PDILT: variants seen among roughly 807,000 people sequenced by gnomAD.
PDILT encodes the protein protein disulfide-isomerase-like protein of the testis.
PDILT carries 43 observed loss-of-function variants against 53.7 expected under a neutral mutation model. The observed-to-expected ratio is 0.80, with a 90% CI of 0.63 to 1.03. PDILT has a LOEUF of 1.03. Among genes scored for constraint, PDILT ranks in the 50% least tolerant of loss-of-function variants. The pLI, the probability that PDILT is intolerant of heterozygous loss-of-function variation, is 0.00. For synonymous variants in PDILT, 282 were observed against 274.2 expected (o/e 1.03, Z -0.28); for missense variants, 727 against 712.3 (o/e 1.02, Z -0.24).
At position 20,404,633 on chromosome 16, in the gene PDILT, A is replaced by G. The variant is rs1966790121; in HGVS notation, c.-145T>C. On this transcript the variant is annotated 5_prime_UTR_variant, in exon 1 of 12. It removes the in-frame stop codon of an upstream open reading frame in the 5' UTR. Coordinates refer to ENST00000302451, the MANE Select transcript of PDILT (RefSeq NM_174924.2). ...AGGCTCCTGGCTTCTCCTTGTGATC[A>G]GGGCAGGACCCGCAGACGACTGGGC... The G allele has an allele frequency of 1.3e-5, 2 of 152,264 alleles. No individual in the cohort carries two copies. Among genetic ancestry groups the G allele is most frequent in the Non-Finnish European group, 2.9e-5 (2 of 68,078 alleles). The allele number at this position is 152,264 out of a possible 1,614,324, so 9.4% of individuals were successfully genotyped here.
rs555849933 is a variant in PDILT at position 20,384,817 on chromosome 16, C to T, written c.237G>A (p.Ala79=). Residue 79 remains alanine (A), a synonymous_variant, in exon 3 of 12, where the codon GCG becomes GCA. Transcript: ENST00000302451. ...TCTCCACAGCTTTGCCCAGCTCTTC[C>T]GCCAAGTTCCTGGATTGCTTTGAGG... is the stretch of plus-strand genomic sequence containing the variant. ...NPSSKQSRNL[A]EELGKAVEIM... is the part of the protein sequence containing the mutation. 1.8e-5 allele frequency: 29 copies of T among 1,614,176 alleles called. No individual in the cohort carries two copies. Among genetic ancestry groups the T allele is most frequent in the East Asian group, 8.9e-5 (4 of 44,880 alleles).
chr16:20,399,943 CTT>C (rs1966708210), intron 1 of PDILT, among the ~76,000 whole-genome samples: 1 of 151,962 alleles, frequency 6.6e-6, no homozygotes, highest in Non-Finnish European at 1.5e-5. Context: ...GAAAGTGACT[CTT>C]AGAGAAGTAT....
In PDILT at chr16:20,399,265, G is replaced by A. The variant is rs376540863; in HGVS notation, c.36C>T (p.Ala12=). 2.0e-5 allele frequency: 33 copies of A among 1,613,910 alleles called. No individual in the cohort carries two copies. The highest frequency in any genetic ancestry group is 8.8e-5 in the South Asian group (8 of 91,086). The part of the protein sequence containing the change: ...DLLWMPLLLV[A]ACVSAVHSSP... The stretch of plus-strand genomic sequence containing the variant: ...AGCTGTGGACAGCAGAGACACAAGC[G>A]GCCACCAGCAGCAGGGGCATCCAGA... The change falls in exon 2 of 12, where the codon GCC becomes GCT. Residue 12 remains alanine, a synonymous_variant. Transcript: ENST00000302451.
intron 1 of PDILT, among the ~76,000 whole-genome samples, chr16:20,402,827 G>A (rs574631186): frequency 6.6e-5 from 10 of 152,146 alleles, no homozygotes; most frequent in Non-Finnish European, 1.5e-4. Flanking sequence ...GTCCAGCCCT[G>A]GGACTGTGCT....
intron 8 of PDILT, 99 bp downstream of exon 8, chr16:20,369,393 C>A: frequency 7.7e-7 from 1 of 1,306,104 alleles, no homozygotes; most frequent in South Asian, 1.3e-5. Context: ...CTTTATTCTG[C>A]CTCCACATAC....
At chr16:20,376,238 T>C (rs751108275) in intron 3 of PDILT, 37 bp from the exon 4 acceptor site, 1 of 1,610,258 alleles carries the variant, frequency 6.2e-7, no homozygotes, top group Admixed American at 1.7e-5. Flanking sequence ...ACCAGAGAAG[T>C]TTCCTCTTGA....
At chr16:20,389,552 C>T (rs897935326) in intron 2 of PDILT, among the ~76,000 whole-genome samples, 3 of 152,258 alleles carry the variant, frequency 2.0e-5, no homozygotes, top group Admixed American at 2.0e-4. Flanking sequence ...GTGACCATCA[C>T]CAAACCATCC....
At chr16:20,382,114 G>T (rs1966468916) in intron 3 of PDILT, among the ~76,000 whole-genome samples, 2 of 152,116 alleles carry the variant, frequency 1.3e-5, no homozygotes, top group South Asian at 2.1e-4. Flanking sequence ...GACCAGGCTG[G>T]TCTCAAACTT....
intron 2 of PDILT, among the ~76,000 whole-genome samples, chr16:20,397,373 G>A (rs1412325881): frequency 6.6e-6 from 1 of 152,084 alleles, no homozygotes; most frequent in Non-Finnish European, 1.5e-5. Flanking sequence ...GAACACTTGA[G>A]CTCAAGAGAG....
chr16:20,390,755 T>A (rs1212980309), intron 2 of PDILT: 1 of 152,200 alleles, frequency 6.6e-6, no homozygotes, highest in Non-Finnish European at 1.5e-5. Context: ...AGAAGATGAA[T>A]TTAGCACCAG....
chr16:20,369,339 G>A (rs1188618811), intron 8 of PDILT, among the ~76,000 whole-genome samples, 153 bp downstream of exon 8: 2 of 152,238 alleles, frequency 1.3e-5, no homozygotes, highest in Non-Finnish European at 2.9e-5. Context: ...TAGATTTGAG[G>A]TGGGGAGATG....
intron 2 of PDILT, among the ~76,000 whole-genome samples, chr16:20,395,967 A>C (rs1030819331): frequency 1.3e-5 from 2 of 152,226 alleles, no homozygotes; most frequent in Admixed American, 1.3e-4. Context: ...TAAATTACCC[A>C]GCCTCAGGTA....
intron 9 of PDILT, 40 bp downstream of exon 9, chr16:20,365,380 T>G: frequency 6.2e-7 from 1 of 1,605,386 alleles, no homozygotes. Context: ...AACATAATTT[T>G]GGCACCCGTT....
At position 20,360,453 on chromosome 16, in the gene PDILT, T is replaced by A. The variant is rs1179855668; in HGVS notation, c.1506+115A>T. 6.1e-6 allele frequency: 6 copies of A among 986,826 alleles called. No homozygotes were observed. The South Asian group carries it at 8.6e-5, about 14-fold the overall frequency. The allele number at this position is 986,826 out of a possible 1,614,324, so 61.1% of individuals were successfully genotyped here. ...CCCAACCTGGATGCTTCTCCATCCA[T>A]CCTCAACCATCTCCCAAGATTATGG... is the stretch of plus-strand genomic sequence containing the variant. On this transcript the variant is annotated intron_variant, in intron 11 of 11. Coordinates refer to ENST00000302451, the MANE Select transcript of PDILT (RefSeq NM_174924.2).
At chr16:20,373,672 T>G (rs996180136) in intron 5 of PDILT, among the ~76,000 whole-genome samples, 2 of 152,246 alleles carry the variant, frequency 1.3e-5, no homozygotes, top group African/African-American at 4.8e-5. Flanking sequence ...CACTGAGTTT[T>G]GGCCAATCAA....
intron 1 of PDILT, among the ~76,000 whole-genome samples, chr16:20,401,760 C>G (rs1183073843): frequency 3.3e-5 from 5 of 152,326 alleles, no homozygotes; most frequent in Admixed American, 2.0e-4. Context: ...CCGTGGAGGG[C>G]TGAGCCTCTG....
chr16:20,381,687 G>A (rs1378295663), intron 3 of PDILT, among the ~76,000 whole-genome samples: 8 of 149,988 alleles, frequency 5.3e-5, no homozygotes, highest in South Asian at 2.1e-4. Flanking sequence ...TAAAAGGCTC[G>A]TTGAAGTTCC....
chr16:20,376,256 C>A, intron 3 of PDILT, 55 bp from the exon 4 acceptor site: 1 of 1,599,038 alleles, frequency 6.3e-7, no homozygotes, highest in Non-Finnish European at 8.5e-7. Context: ...TGAACCAAAG[C>A]AAGAAGCTGG....
rs1165193363 is a variant in PDILT at position 20,360,636 on chromosome 16, G to T, written c.1438C>A (p.His480Asn). 6.2e-7 allele frequency: 1 copy of T among 1,613,730 alleles called. No individual in the cohort carries two copies. Among genetic ancestry groups the T allele is most frequent in the Non-Finnish European group, 8.5e-7 (1 of 1,179,644 alleles). The change falls in exon 11 of 12, where the codon CAC becomes AAC. Residue 480 changes from histidine to asparagine, a missense_variant. By Grantham distance (68) the His-to-Asn change is moderately conservative (BLOSUM62 1). Coordinates refer to ENST00000302451, the MANE Select transcript of PDILT (RefSeq NM_174924.2). ...SQQAVLYKGE[H>N]TLKGFSDFLE... is the part of the protein sequence containing the mutation. ...AAGTCAGAGAAGCCCTTCAGGGTGTGTTCTCCCTTATACAGGACAGCCTAG... is the reference window on the plus strand; with the variant it reads ...AAGTCAGAGAAGCCCTTCAGGGTGTTTTCTCCCTTATACAGGACAGCCTAG...
Sources: gnomAD v4.1 joint callset for allele counts (sites outside exome capture counted in the v4.1 genomes callset) on GRCh38, gnomAD v4.1.1 for gene constraint, MANE v1.5 for transcripts, NCBI Gene and HGNC (gene_info 2026-07-23, HGNC 2026-07-21) for gene names.